The following TM9SF2 variants were observed in gnomAD, a reference collection of about 807,000 sequenced individuals.
The protein encoded by TM9SF2 is transmembrane 9 superfamily member 2, also known as 76 kDa membrane protein.
A neutral mutation model predicts 84.9 loss-of-function variants in TM9SF2; 13 were observed. That is an observed-to-expected ratio of 0.15 (90% CI 0.10 to 0.24). The LOEUF (loss-of-function observed/expected upper bound fraction) is 0.24, where lower values mean the gene tolerates loss of function less well. TM9SF2 is among the 10% of genes least tolerant of loss of function. The probability of loss-of-function intolerance (pLI) is 1.00; values close to 1 mark genes in which losing one functional copy is unlikely to be tolerated. For synonymous variants in TM9SF2, 273 were observed against 285.8 expected, an observed-to-expected ratio of 0.96 and a Z score of 0.45; for missense variants, 562 against 818.5, an observed-to-expected ratio of 0.69 and a Z score of 3.82.
intron 1 of TM9SF2, among the ~76,000 whole-genome samples, chr13:99,508,441 A>ACACC (rs2046098711): frequency 1.3e-5 from 2 of 148,930 alleles, no homozygotes. Flanking sequence ...ACACACACAC[A>ACACC]CACCCCAGAG....
chr13:99,514,154 A>G (rs2046124603), intron 1 of TM9SF2: 1 of 152,242 alleles, frequency 6.6e-6, no homozygotes, highest in South Asian at 2.1e-4. Flanking sequence ...CATCATAGCC[A>G]TTGTAACATC....
chr13:99,555,074 A>C (rs2046320281), intron 14 of TM9SF2, among the ~76,000 whole-genome samples: 2 of 152,252 alleles, frequency 1.3e-5, no homozygotes, highest in Admixed American at 6.5e-5. Context: ...TGTTACAGGA[A>C]GTACCAAGGT....
At chr13:99,539,415 C>G in intron 6 of TM9SF2, 31 bp from the exon 7 acceptor site, 2 of 1,366,342 alleles carry the variant, frequency 1.5e-6, no homozygotes, top group South Asian at 1.2e-5. Flanking sequence ...TGTACTTTAT[C>G]AGCATCTTGC....
chr13:99,557,014 G>A lies in TM9SF2; in HGVS notation c.1752+1367G>A, dbSNP rs775470771. ...TGTGAACATTCATGTACAAGTGTTC[G>A]TTTGAATACCTGTTTTTGGTTTTGA... is the stretch of plus-strand genomic sequence containing the variant. On this transcript the variant is annotated intron_variant, in intron 15 of 16. Coordinates refer to ENST00000376387, the MANE Select transcript of TM9SF2 (RefSeq NM_004800.3). Among the ~76,000 whole-genome samples, 5 of 152,110 alleles carry A rather than the reference G, an allele frequency of 3.3e-5. No individual in the cohort carries two copies. In the East Asian group the frequency reaches 7.7e-4, roughly 23 times the overall value.
chr13:99,530,208 A>G (rs1051954072), intron 4 of TM9SF2, among the ~76,000 whole-genome samples: 1 of 152,152 alleles, frequency 6.6e-6, no homozygotes, highest in Non-Finnish European at 1.5e-5. Context: ...TTGGATCACG[A>G]GGTCAGGAGA....
chr13:99,557,574 T>A (rs755649180), intron 15 of TM9SF2, among the ~76,000 whole-genome samples: 15 of 152,170 alleles, frequency 9.9e-5, no homozygotes, highest in Admixed American at 5.9e-4. Flanking sequence ...TTTGGTGTCA[T>A]ATCTAAGAAT....
rs11840535 is a variant in TM9SF2 at position 99,544,074 on chromosome 13, G to A, written c.1150+79G>A. 708 of 1,510,892 alleles carry A rather than the reference G, an allele frequency of 4.7e-4. 5 individuals carry two copies. In the African/African-American group the frequency reaches 8.5e-3, roughly 18 times the overall value. 93.6% of individuals were successfully genotyped at this position (1,510,892 alleles called of 1,614,324 possible). On this transcript the variant is annotated intron_variant, in intron 10 of 16. Coordinates refer to ENST00000376387, the MANE Select transcript of TM9SF2 (RefSeq NM_004800.3). ...TGCTTAAAAACCAGTTTTTCTGGCCGGGCATGGTGGCTCATGCCTGTAATC... is the reference window on the plus strand; with the variant it reads ...TGCTTAAAAACCAGTTTTTCTGGCCAGGCATGGTGGCTCATGCCTGTAATC...
chr13:99,547,154 G>A (rs2046286311), intron 11 of TM9SF2, 50 bp downstream of exon 11: 1 of 1,604,380 alleles, frequency 6.2e-7, no homozygotes, highest in Non-Finnish European at 8.5e-7. Context: ...GGACTCTGCT[G>A]CGGCTGTGGA....
chr13:99,548,245 A>C (rs1244295984), intron 11 of TM9SF2, among the ~76,000 whole-genome samples: 2 of 152,146 alleles, frequency 1.3e-5, no homozygotes, highest in Non-Finnish European at 2.9e-5. Flanking sequence ...CCCATCCTTC[A>C]GGTCTCCCAG....
intron 11 of TM9SF2, among the ~76,000 whole-genome samples, chr13:99,548,472 G>C (rs2046292803): frequency 6.6e-6 from 1 of 152,110 alleles, no homozygotes; most frequent in Middle Eastern, 3.2e-3. Context: ...AATCACAGCT[G>C]TTCTGAGATC....
intron 1 of TM9SF2, among the ~76,000 whole-genome samples, chr13:99,506,163 A>G (rs571964697): frequency 6.6e-6 from 1 of 152,328 alleles, no homozygotes; most frequent in South Asian, 2.1e-4. Flanking sequence ...GTGTATAAAT[A>G]TTGGAATGAG....
Position 99,529,449 on chromosome 13 carries a change from C to G in TM9SF2, c.334-18C>G, listed in dbSNP as rs373641756. Reference sequence around the variant, plus strand: ...GGATATTTTTTCTGAATTTGCTTTCCACTTCCTTTTAATACAGTTTACGTT... The same window carrying G: ...GGATATTTTTTCTGAATTTGCTTTCGACTTCCTTTTAATACAGTTTACGTT... On this transcript the variant is annotated intron_variant, in intron 3 of 16. Coordinates refer to ENST00000376387, the MANE Select transcript of TM9SF2 (RefSeq NM_004800.3). 3.4e-6 allele frequency: 5 copies of G among 1,475,228 alleles called. No individual in the cohort carries two copies. The highest frequency in any genetic ancestry group is 4.5e-6 in the Non-Finnish European group (5 of 1,115,224). 91.4% of individuals were successfully genotyped at this position (1,475,228 alleles called of 1,614,324 possible). A position where few individuals can be genotyped will look rare whatever the true frequency, so the allele number is the denominator to read the frequency against.
chr13:99,517,292 T>C (rs1344820897), intron 1 of TM9SF2, among the ~76,000 whole-genome samples: 2 of 151,600 alleles, frequency 1.3e-5, no homozygotes, highest in Non-Finnish European at 1.5e-5. Flanking sequence ...TTTAAAAAAT[T>C]AAAAAAAAAT....
At chr13:99,534,932 T>C (rs546906755) in intron 4 of TM9SF2, among the ~76,000 whole-genome samples, 1 of 152,268 alleles carries the variant, frequency 6.6e-6, no homozygotes, top group East Asian at 1.9e-4. Flanking sequence ...GGAGGACCAC[T>C]TGAGCCCAGG....
At chr13:99,538,666 C>T (rs1430110428) in intron 6 of TM9SF2, among the ~76,000 whole-genome samples, 1 of 151,942 alleles carries the variant, frequency 6.6e-6, no homozygotes, top group Non-Finnish European at 1.5e-5. Context: ...GTGGCATGTG[C>T]CTGTAGGAAG....
chr13:99,544,740 G>A (rs2046275945), intron 10 of TM9SF2, among the ~76,000 whole-genome samples: 1 of 138,068 alleles, frequency 7.2e-6, no homozygotes, highest in Non-Finnish European at 1.6e-5. Flanking sequence ...GGGAGGATTT[G>A]GGAAGCAGGA....
Position 99,555,654 on chromosome 13 carries a change from A to G in TM9SF2, c.1752+7A>G. ...TTTCCACCTATGTGCAGAGGTATGTATTAGCAGTATTCACTTATGTTAATT... is the reference window on the plus strand; with the variant it reads ...TTTCCACCTATGTGCAGAGGTATGTGTTAGCAGTATTCACTTATGTTAATT... On this transcript the variant is annotated splice_region_variant and intron_variant, in intron 15 of 16. Transcript: ENST00000376387. 2 of 1,580,934 alleles carry G rather than the reference A, an allele frequency of 1.3e-6. No homozygotes were observed. Among genetic ancestry groups the G allele is most frequent in the Non-Finnish European group, 1.7e-6 (2 of 1,152,910 alleles).
At chr13:99,549,386 A>G (rs3803255) in intron 12 of TM9SF2, among the ~76,000 whole-genome samples, 164 bp downstream of exon 12, 85,295 of 151,994 alleles carry the variant, frequency 0.56, 24,760 homozygotes, top group East Asian at 0.7. Flanking sequence ...AACGTTTGCC[A>G]AATGATTACC....
rs151061031 is a variant in TM9SF2 at position 99,552,997 on chromosome 13, A to G, written c.1488+671A>G. Among the ~76,000 whole-genome samples, 41 of 152,308 alleles carry G rather than the reference A, an allele frequency of 2.7e-4. No homozygotes were observed. The East Asian group carries it at 6.9e-3, about 26-fold the overall frequency. On this transcript the variant is annotated intron_variant, in intron 13 of 16. Coordinates refer to ENST00000376387, the MANE Select transcript of TM9SF2 (RefSeq NM_004800.3). The stretch of plus-strand genomic sequence containing the variant: ...ATTGTATCTGCTGGAAATAAATTGT[A>G]TCTGCTTCCCTGCTAATATTGGATT...
Sources: gnomAD v4.1 joint callset for allele counts (sites outside exome capture counted in the v4.1 genomes callset) on GRCh38, gnomAD v4.1.1 for gene constraint, MANE v1.5 for transcripts, NCBI Gene and HGNC (gene_info 2026-07-23, HGNC 2026-07-21) for gene names.